Variants in IGF1 observed in about 807,000 individuals in gnomAD.
IGF1 encodes insulin-like growth factor 1.
IGF1 carries 4 observed loss-of-function variants against 13.8 expected under a neutral mutation model. The observed-to-expected ratio is 0.29, with a 90% CI of 0.14 to 0.66. IGF1 has a LOEUF of 0.66. Among genes scored for constraint, IGF1 ranks in the 30% least tolerant of loss-of-function variants. IGF1 has a pLI of 0.78. For missense variants in IGF1, 124 were observed against 188.5 expected (o/e 0.66, Z 2.00); for synonymous variants, 76 against 72.6 (o/e 1.05, Z -0.23).
chr12:102,431,174 C>T (rs960020468), intron 2 of IGF1, among the ~76,000 whole-genome samples: 3 of 152,218 alleles, frequency 2.0e-5, no homozygotes, highest in Non-Finnish European at 4.4e-5. Flanking sequence ...ACATACCACA[C>T]TACTAGGCTT....
intron 2 of IGF1, among the ~76,000 whole-genome samples, chr12:102,431,056 A>G (rs1837800168): frequency 6.6e-6 from 1 of 151,942 alleles, no homozygotes; most frequent in African/African-American, 2.4e-5. Context: ...CAGCCTTCTC[A>G]TCTCCCCCAT....
chr12:102,472,872 AT>A (rs549769814), intron 2 of IGF1, among the ~76,000 whole-genome samples: 1 of 142,900 alleles, frequency 7.0e-6, no homozygotes, highest in Non-Finnish European at 1.5e-5. Context: ...GTTAGTATAT[AT>A]TTTTTCAGTT....
intron 3 of IGF1, among the ~76,000 whole-genome samples, chr12:102,407,950 AACTT>A (rs1874312565): frequency 6.6e-6 from 1 of 152,178 alleles, no homozygotes; most frequent in African/African-American, 2.4e-5. Flanking sequence ...AGGCTCTTTA[AACTT>A]CAGGGAGGAA....
At chr12:102,421,501 T>C (rs1875716301) in intron 2 of IGF1, among the ~76,000 whole-genome samples, 1 of 152,192 alleles carries the variant, frequency 6.6e-6, no homozygotes, top group African/African-American at 2.4e-5. Context: ...CTGATACCCT[T>C]TGGCTTCTCT....
intron 1 of IGF1, among the ~76,000 whole-genome samples, chr12:102,478,292 G>T (rs1881193132): frequency 6.8e-6 from 1 of 146,980 alleles, no homozygotes; most frequent in African/African-American, 2.5e-5. Flanking sequence ...AAAAAGGGAA[G>T]AATCAGAAAG....
At chr12:102,464,119 C>T (rs1430400361) in intron 2 of IGF1, among the ~76,000 whole-genome samples, 1 of 152,156 alleles carries the variant, frequency 6.6e-6, no homozygotes, top group Non-Finnish European at 1.5e-5. Flanking sequence ...TTTTAAATAA[C>T]TCACATAGAA....
chr12:102,449,629 G>A (rs543426330), intron 2 of IGF1, among the ~76,000 whole-genome samples: 267 of 145,960 alleles, frequency 1.8e-3, no homozygotes, highest in African/African-American at 6.4e-3. Context: ...TCCCCATCCC[G>A]CCCCCCAACT....
At chr12:102,467,223 A>C (rs1182380332) in intron 2 of IGF1, among the ~76,000 whole-genome samples, 2 of 152,204 alleles carry the variant, frequency 1.3e-5, no homozygotes, top group Non-Finnish European at 2.9e-5. Context: ...AAATTTTCAA[A>C]GTTTAAAAGG....
At chr12:102,459,463 G>T (rs1403175260) in intron 2 of IGF1, among the ~76,000 whole-genome samples, 1 of 151,856 alleles carries the variant, frequency 6.6e-6, no homozygotes, top group Non-Finnish European at 1.5e-5. Context: ...ATAGTGATGG[G>T]ACTGGAAGGA....
At chr12:102,436,959 A>AG (rs1182707774) in intron 2 of IGF1, among the ~76,000 whole-genome samples, 1 of 152,236 alleles carries the variant, frequency 6.6e-6, no homozygotes, top group Non-Finnish European at 1.5e-5. Context: ...GAGGGAAGGC[A>AG]GGGGCCACTG....
chr12:102,477,997 CTT>C (rs66470486), intron 1 of IGF1, among the ~76,000 whole-genome samples: 7,505 of 127,504 alleles, frequency 0.059, 392 homozygotes, highest in East Asian at 0.32. Flanking sequence ...TTCTCTTTTT[CTT>C]TTTTTTTTTT....
intron 2 of IGF1, among the ~76,000 whole-genome samples, chr12:102,458,805 G>T (rs1489225601): frequency 3.3e-5 from 5 of 150,840 alleles, no homozygotes; most frequent in Non-Finnish European, 7.4e-5. Context: ...GAGGAAAGAG[G>T]GTTGACATCT....
At chr12:102,480,059 C>A (rs1366681578) in intron 1 of IGF1, among the ~76,000 whole-genome samples, 1 of 152,142 alleles carries the variant, frequency 6.6e-6, no homozygotes, top group Admixed American at 6.6e-5. Context: ...TGTAATGACA[C>A]CACGGAAGCC....
At chr12:102,417,986 G>C in intron 3 of IGF1, 2 of 1,612,618 alleles carry the variant, frequency 1.2e-6, no homozygotes, top group Middle Eastern at 3.3e-4. Flanking sequence ...TGTTCTTGTT[G>C]GTAGATGGGG....
chr12:102,454,859 T>C (rs1465818084), intron 2 of IGF1, among the ~76,000 whole-genome samples: 1 of 152,194 alleles, frequency 6.6e-6, no homozygotes, highest in African/African-American at 2.4e-5. Context: ...TGGGGACAAA[T>C]TGGTGATTTC....
rs140787362 is a variant in IGF1, at chr12:102,409,177, G to T, written c.403-6611C>A. Among the ~76,000 whole-genome samples the T allele has an allele frequency of 9.6e-4, 146 of 152,268 alleles. 1 individual carries two copies. Among genetic ancestry groups the T allele is most frequent in the African/African-American group, 3.5e-3 (145 of 41,558 alleles). On this transcript the variant is annotated intron_variant, in intron 3 of 3. Coordinates refer to ENST00000337514, the MANE Select transcript of IGF1 (RefSeq NM_000618.5). Reference sequence around the variant, plus strand: ...CCCTCAGTCATTTACCTGGCATGCGGTATAGTTGTATGCAGGAGAGTCTAC... The same window carrying T: ...CCCTCAGTCATTTACCTGGCATGCGTTATAGTTGTATGCAGGAGAGTCTAC...
chr12:102,472,418 T>TA lies in IGF1; in HGVS notation c.220+3224dup, dbSNP rs960848985. ...TTATTCAGAACAGTTCTAATAGAGT[T>TA]AAAAAAAAACTCTCCTTGTTAAATA... On this transcript the variant is annotated intron_variant, in intron 2 of 3. Coordinates refer to ENST00000337514, the MANE Select transcript of IGF1 (RefSeq NM_000618.5). Among the ~76,000 whole-genome samples the TA allele has an allele frequency of 4.2e-4, 63 of 151,356 alleles. No individual in the cohort carries two copies. In the South Asian group the frequency reaches 7.1e-3, roughly 17 times the overall value.
intron 2 of IGF1, among the ~76,000 whole-genome samples, chr12:102,473,437 T>C (rs1193323267): frequency 6.6e-6 from 1 of 152,212 alleles, no homozygotes; most frequent in Non-Finnish European, 1.5e-5. Flanking sequence ...CTAATTTCTT[T>C]TGGGCAAATA....
chr12:102,446,564 G>A (rs555480414), intron 2 of IGF1, among the ~76,000 whole-genome samples: 2 of 152,094 alleles, frequency 1.3e-5, no homozygotes, highest in African/African-American at 4.8e-5. Flanking sequence ...GGGATCGGTG[G>A]TGATACCCCC....
Sources: allele counts gnomAD v4.1 joint callset (sites outside exome capture counted in the v4.1 genomes callset), GRCh38; gene constraint gnomAD v4.1.1; transcripts MANE v1.5; gene names NCBI Gene and HGNC (gene_info 2026-07-23, HGNC 2026-07-21).